UBE3D: variants seen among roughly 807,000 people sequenced by gnomAD.
The protein encoded by UBE3D is ubiquitin protein ligase E3D.
A neutral mutation model predicts 49.6 loss-of-function variants in UBE3D; 48 were observed. The ratio of observed to expected loss-of-function variants is 0.97; its 90% CI spans 0.77 to 1.23. The LOEUF (loss-of-function observed/expected upper bound fraction) is 1.23, where lower values mean the gene tolerates loss of function less well. UBE3D is among the 50% of genes most tolerant of loss of function. The pLI is 0.00. For missense variants in UBE3D, 452 were observed against 468.4 expected, an observed-to-expected ratio of 0.96 and a Z score of 0.32; for synonymous variants, 189 against 174.2, an observed-to-expected ratio of 1.08 and a Z score of -0.67.
intron 9 of UBE3D, among the ~76,000 whole-genome samples, chr6:82,913,418 G>A (rs1772673457): frequency 6.6e-6 from 1 of 152,184 alleles, no homozygotes; most frequent in Non-Finnish European, 1.5e-5. Context: ...GGATAACTAG[G>A]TTGTAAAAGA....
At chr6:82,935,353 CA>C (rs765718294) in intron 9 of UBE3D, among the ~76,000 whole-genome samples, 16 of 152,102 alleles carry the variant, frequency 1.1e-4, no homozygotes, top group Non-Finnish European at 2.4e-4. Flanking sequence ...CCCTGTGACC[CA>C]AACAGCCTCC....
chr6:83,044,512 AT>A lies in UBE3D; in HGVS notation c.512del (p.Asn171IlefsTer2). On this transcript the variant is annotated frameshift_variant, in exon 4 of 10. Transcript: ENST00000369747. LOFTEE classifies it high-confidence loss of function. ...CFIGDSFFLV[N>X]LRTSLWQQRP... ...TTTGCTGCCACAAACTGGTTCTTAA[AT>A]TCACCAAGAAGAAAGAGTCTCCAAT... 6.2e-7 allele frequency: 1 copy of A among 1,614,152 alleles called. No homozygotes were observed. The highest frequency in any genetic ancestry group is 8.5e-7 in the Non-Finnish European group (1 of 1,180,004).
At chr6:82,925,628 A>G (rs1257987211) in intron 9 of UBE3D, among the ~76,000 whole-genome samples, 1 of 152,044 alleles carries the variant, frequency 6.6e-6, no homozygotes, top group Non-Finnish European at 1.5e-5. Context: ...ATTTTCCTAA[A>G]AGCAATCTGG....
At chr6:82,975,674 C>CT (rs1279451173) in intron 8 of UBE3D, among the ~76,000 whole-genome samples, 1 of 152,086 alleles carries the variant, frequency 6.6e-6, no homozygotes, top group Non-Finnish European at 1.5e-5. Flanking sequence ...ATCAAGTCAT[C>CT]TTAACAAGTA....
intron 9 of UBE3D, among the ~76,000 whole-genome samples, chr6:82,905,616 C>A (rs1288693754): frequency 1.3e-5 from 2 of 152,006 alleles, no homozygotes; most frequent in Non-Finnish European, 2.9e-5. Flanking sequence ...TCACTTAAAT[C>A]AAAAGCTAGA....
chr6:83,018,839 T>A (rs1780872785), intron 8 of UBE3D, 134 bp downstream of exon 8: 1 of 887,486 alleles, frequency 1.1e-6, no homozygotes. Flanking sequence ...CATATAATAT[T>A]TAGCAGTATT....
chr6:82,893,223 T>C (rs1771065615), intron 9 of UBE3D, among the ~76,000 whole-genome samples, 181 bp from the exon 10 acceptor site: 1 of 152,212 alleles, frequency 6.6e-6, no homozygotes, highest in Non-Finnish European at 1.5e-5. Context: ...TTAGTCTTTT[T>C]TTAATGAACC....
intron 8 of UBE3D, among the ~76,000 whole-genome samples, chr6:82,965,030 T>C (rs1179194655): frequency 6.6e-6 from 1 of 152,168 alleles, no homozygotes; most frequent in South Asian, 2.1e-4. Context: ...ATTAAAGGGA[T>C]CTTGAGAGAA....
chr6:83,002,212 A>T (rs909537328), intron 8 of UBE3D, among the ~76,000 whole-genome samples: 1 of 152,164 alleles, frequency 6.6e-6, no homozygotes, highest in Non-Finnish European at 1.5e-5. Flanking sequence ...TAATTCAGCA[A>T]AAGAATACTG....
At chr6:82,906,463 C>T (rs1359646156) in intron 9 of UBE3D, among the ~76,000 whole-genome samples, 2 of 152,208 alleles carry the variant, frequency 1.3e-5, no homozygotes, top group Non-Finnish European at 2.9e-5. Flanking sequence ...CAACTTAGAG[C>T]CTAAGTCCTT....
chr6:83,035,458 T>C (rs1332360440), intron 5 of UBE3D, among the ~76,000 whole-genome samples: 2 of 152,262 alleles, frequency 1.3e-5, no homozygotes, highest in African/African-American at 2.4e-5. Flanking sequence ...ATTATTTTCA[T>C]ATTTGACTGA....
intron 2 of UBE3D, 148 bp downstream of exon 2, chr6:83,057,678 C>T: frequency 1.4e-6 from 1 of 715,634 alleles, no homozygotes; most frequent in Non-Finnish European, 2.3e-6. Context: ...TGTTCAATTG[C>T]ATACAGCCAA....
chr6:82,880,819 T>G, the UBE3D span, among the ~76,000 whole-genome samples: 1 of 152,082 alleles, frequency 6.6e-6, no homozygotes, highest in African/African-American at 2.4e-5. Flanking sequence ...CAATAGAAAT[T>G]TATTTCTCAC....
chr6:83,010,746 G>T (rs979446159), intron 8 of UBE3D, among the ~76,000 whole-genome samples: 1 of 152,190 alleles, frequency 6.6e-6, no homozygotes, highest in Non-Finnish European at 1.5e-5. Flanking sequence ...GGAGAAGGAT[G>T]TAGGCTGGGA....
chr6:82,911,282 G>A (rs866399480), intron 9 of UBE3D, among the ~76,000 whole-genome samples: 46 of 141,588 alleles, frequency 3.2e-4, no homozygotes, highest in Non-Finnish European at 7.5e-5. Flanking sequence ...CTTAATGCAA[G>A]ACTTGATCAT....
At position 82,911,196 on chromosome 6, in the gene UBE3D, CAAAAAAAAAAAAA is replaced by C. The variant is rs1156620624; in HGVS notation, c.1150-18167_1150-18155del. ...GTAGGTCACAGCAAGAACATTTTGG[CAAAAAAAAAAAAA>C]AAAAAAAAAAAAAACTCAGGGGGGA... On this transcript the variant is annotated intron_variant, in intron 9 of 9. Transcript: ENST00000369747. Among the ~76,000 whole-genome samples the C allele has an allele frequency of 2.8e-4, 11 of 39,330 alleles. No individual in the cohort carries two copies. The East Asian group carries it at 7.8e-3, about 28-fold the overall frequency. 25.8% of individuals were successfully genotyped at this position (39,330 alleles called of 152,430 possible).
At chr6:82,898,759 T>C (rs926659791) in intron 9 of UBE3D, among the ~76,000 whole-genome samples, 1 of 152,156 alleles carries the variant, frequency 6.6e-6, no homozygotes, top group Admixed American at 6.5e-5. Flanking sequence ...CAAACCACCA[T>C]GGCACATGTA....
At chr6:82,907,579 A>T (rs1339527118) in intron 9 of UBE3D, among the ~76,000 whole-genome samples, 1 of 152,186 alleles carries the variant, frequency 6.6e-6, no homozygotes, top group East Asian at 1.9e-4. Flanking sequence ...TCACAAGAGA[A>T]GATAAAGCAC....
intron 9 of UBE3D, among the ~76,000 whole-genome samples, chr6:82,913,305 A>G (rs1003757872): frequency 7.9e-5 from 12 of 152,208 alleles, no homozygotes; most frequent in Non-Finnish European, 1.5e-5. Flanking sequence ...TAGCAGCATC[A>G]TTATTATGGC....
Sources: allele counts gnomAD v4.1 joint callset (sites outside exome capture counted in the v4.1 genomes callset), GRCh38; gene constraint gnomAD v4.1.1; transcripts MANE v1.5; gene names NCBI Gene and HGNC (gene_info 2026-07-23, HGNC 2026-07-21).